Variants in KCNH8 observed in about 807,000 individuals in gnomAD.
KCNH8 encodes voltage-gated delayed rectifier potassium channel KCNH8.
KCNH8 carries 70 observed loss-of-function variants against 103.6 expected under a neutral mutation model. The observed-to-expected ratio is 0.68, with a 90% confidence interval of 0.56 to 0.82. The LOEUF is 0.82. Ranked by LOEUF, KCNH8 falls within the 40% of genes least tolerant of loss-of-function variation. The probability of loss-of-function intolerance (pLI) is 0.00; values close to 1 mark genes in which losing one functional copy is unlikely to be tolerated. For synonymous variants in KCNH8, 498 were observed against 489.4 expected (o/e 1.02, Z -0.23); for missense variants, 1,217 against 1,329.9 (o/e 0.92, Z 1.32).
intron 7 of KCNH8, among the ~76,000 whole-genome samples, chr3:19,407,810 C>A (rs2066716589): frequency 6.6e-6 from 1 of 152,118 alleles, no homozygotes; most frequent in South Asian, 2.1e-4. Flanking sequence ...ATCTAGAGCA[C>A]CCACTCTCCT....
chr3:19,298,606 A>C (rs1012021068), intron 3 of KCNH8, among the ~76,000 whole-genome samples: 3 of 152,220 alleles, frequency 2.0e-5, no homozygotes, highest in Non-Finnish European at 4.4e-5. Flanking sequence ...AAAATTTTAC[A>C]GTATGGCTGT....
In KCNH8 at chr3:19,511,652, CAAACA is replaced by C. The variant is rs2068784889; in HGVS notation, c.2079+1253_2079+1257del. ...ACAGAGTTTTAAACGCTGTGAAAAACAAACAAGAGTAACATCATGACTATCCCAGC... is the reference window on the plus strand; with the variant it reads ...ACAGAGTTTTAAACGCTGTGAAAAACAGAGTAACATCATGACTATCCCAGC... On this transcript the variant is annotated intron_variant, in intron 12 of 15. Coordinates refer to ENST00000328405, the MANE Select transcript of KCNH8 (RefSeq NM_144633.3). Among the ~76,000 whole-genome samples the C allele has an allele frequency of 3.3e-5, 5 of 152,010 alleles. No homozygotes were observed. The South Asian group carries it at 1.0e-3, about 32-fold the overall frequency.
At chr3:19,164,114 T>G (rs2063259865) in intron 1 of KCNH8, among the ~76,000 whole-genome samples, 1 of 152,172 alleles carries the variant, frequency 6.6e-6, no homozygotes, top group Non-Finnish European at 1.5e-5. Context: ...AACACTGATA[T>G]CTCTTTAATT....
At chr3:19,441,810 C>T (rs1175391370) in intron 8 of KCNH8, among the ~76,000 whole-genome samples, 5 of 152,182 alleles carry the variant, frequency 3.3e-5, no homozygotes, top group Non-Finnish European at 7.4e-5. Context: ...ATGGCTCCTA[C>T]AGGCTTCCTT....
intron 1 of KCNH8, among the ~76,000 whole-genome samples, chr3:19,250,360 T>C (rs2064261261): frequency 6.6e-6 from 1 of 152,194 alleles, no homozygotes; most frequent in East Asian, 1.9e-4. Flanking sequence ...AAAGTAAATA[T>C]ATCAATCTTA....
intron 1 of KCNH8, among the ~76,000 whole-genome samples, chr3:19,170,810 A>ATATTTTTTTT (rs1553620146): frequency 1.3e-5 from 1 of 75,356 alleles, no homozygotes; most frequent in African/African-American, 5.2e-5. Context: ...ATATATATAT[A>ATATTTTTTTT]TTTTTTTTTT....
intron 3 of KCNH8, among the ~76,000 whole-genome samples, chr3:19,320,197 TG>T (rs2065331086): frequency 6.6e-6 from 1 of 152,080 alleles, no homozygotes; most frequent in Non-Finnish European, 1.5e-5. Context: ...AGTACTATGT[TG>T]AATATAAGTG....
chr3:19,340,732 A>G (rs1177413980), intron 3 of KCNH8, among the ~76,000 whole-genome samples: 1 of 152,162 alleles, frequency 6.6e-6, no homozygotes, highest in Non-Finnish European at 1.5e-5. Context: ...TTTGTGTGAC[A>G]ACAGTTTGGC....
At chr3:19,288,909 A>T (rs1180469106) in intron 3 of KCNH8, among the ~76,000 whole-genome samples, 12 of 152,040 alleles carry the variant, frequency 7.9e-5, no homozygotes, top group Non-Finnish European at 1.6e-4. Context: ...CTGACTTTTT[A>T]ATGATTGCCA....
intron 11 of KCNH8, among the ~76,000 whole-genome samples, chr3:19,460,305 C>A (rs1216976534): frequency 6.6e-6 from 1 of 152,072 alleles, no homozygotes; most frequent in Non-Finnish European, 1.5e-5. Flanking sequence ...TGAGCTCCAG[C>A]CTCCATCTCC....
chr3:19,185,621 T>G (rs2063494409), intron 1 of KCNH8, among the ~76,000 whole-genome samples: 1 of 151,978 alleles, frequency 6.6e-6, no homozygotes, highest in South Asian at 2.1e-4. Flanking sequence ...GATATTACTT[T>G]GGACAGAAAG....
chr3:19,174,810 T>C (rs922017648), intron 1 of KCNH8, among the ~76,000 whole-genome samples: 3 of 152,230 alleles, frequency 2.0e-5, no homozygotes, highest in African/African-American at 7.2e-5. Context: ...AAAATATTTT[T>C]ATTCCTGAAT....
In KCNH8 at chr3:19,507,673, C is replaced by A. The variant is rs563238428; in HGVS notation, c.2041-2690C>A. Among the ~76,000 whole-genome samples, 5 of 152,190 alleles carry A rather than the reference C, an allele frequency of 3.3e-5. No homozygotes were observed. The South Asian group carries it at 6.2e-4, about 19-fold the overall frequency. On this transcript the variant is annotated intron_variant, in intron 11 of 15. Coordinates refer to ENST00000328405, the MANE Select transcript of KCNH8 (RefSeq NM_144633.3). ...GTGTTGGAGTCCCAGGTCACAAGGG[C>A]CTCCCAGTAAGGAGAAACAGGATCG...
intron 1 of KCNH8, among the ~76,000 whole-genome samples, chr3:19,219,216 TTAAG>T (rs902578429): frequency 6.6e-6 from 1 of 152,132 alleles, no homozygotes; most frequent in Non-Finnish European, 1.5e-5. Flanking sequence ...ACTCCCTTCT[TTAAG>T]TATGTCTTCA....
intron 3 of KCNH8, among the ~76,000 whole-genome samples, chr3:19,290,282 G>A (rs979401018): frequency 5.2e-4 from 79 of 152,124 alleles, no homozygotes; most frequent in Non-Finnish European, 9.3e-4. Flanking sequence ...CCAACACTAT[G>A]TTGAATAGGA....
intron 5 of KCNH8, among the ~76,000 whole-genome samples, chr3:19,350,541 G>C (rs373854062): frequency 6.6e-6 from 1 of 152,226 alleles, no homozygotes; most frequent in East Asian, 1.9e-4. Context: ...CCAGAGGAAG[G>C]ATCAGGCAGC....
chr3:19,502,486 C>T (rs1374775394), intron 11 of KCNH8, among the ~76,000 whole-genome samples: 1 of 152,126 alleles, frequency 6.6e-6, no homozygotes, highest in Non-Finnish European at 1.5e-5. Flanking sequence ...GCCAAAAGAA[C>T]AAAGCTGGAG....
chr3:19,282,499 G>A (rs904195214), intron 3 of KCNH8, among the ~76,000 whole-genome samples: 11 of 152,134 alleles, frequency 7.2e-5, no homozygotes, highest in Non-Finnish European at 1.5e-4. Flanking sequence ...ATTCAAACAT[G>A]TAAGTATATA....
chr3:19,449,567 G>A (rs940941343), intron 8 of KCNH8, among the ~76,000 whole-genome samples: 3 of 151,596 alleles, frequency 2.0e-5, no homozygotes, highest in African/African-American at 4.8e-5. Flanking sequence ...ATTCTAAAAC[G>A]AATTTTAAAT....
Sources: allele counts gnomAD v4.1 joint callset (sites outside exome capture counted in the v4.1 genomes callset), GRCh38; gene constraint gnomAD v4.1.1; transcripts MANE v1.5; gene names NCBI Gene and HGNC (gene_info 2026-07-23, HGNC 2026-07-21).